Variants in PABPC1L observed in about 807,000 individuals in gnomAD.
PABPC1L encodes poly(A) binding protein cytoplasmic 1 like.
A neutral mutation model predicts 66.6 loss-of-function variants in PABPC1L; 31 were observed. The observed-to-expected ratio is 0.47, with a 90% CI of 0.35 to 0.63. PABPC1L has a LOEUF of 0.63. PABPC1L is among the 20% of genes least tolerant of loss of function. The probability of loss-of-function intolerance (pLI) is 0.00; values close to 1 mark genes in which losing one functional copy is unlikely to be tolerated. For synonymous variants in PABPC1L, 348 were observed against 335.1 expected, an observed-to-expected ratio of 1.04 and a Z score of -0.42; for missense variants, 722 against 848.8, an observed-to-expected ratio of 0.85 and a Z score of 1.86.
chr20:44,924,307 C>A, intron 7 of PABPC1L, 51 bp downstream of exon 7: 1 of 1,396,098 alleles, frequency 7.2e-7, no homozygotes, highest in Non-Finnish European at 1.0e-6. Context: ...CATCCTCTCA[C>A]CACCATCCCC....
In PABPC1L at chr20:44,910,300, G is replaced by A; in HGVS notation, c.157G>A (p.Gly53Ser). The change falls in exon 1 of 15, where the codon GGC becomes AGC. Residue 53 changes from glycine (G) to serine (S), a missense_variant. By Grantham distance (56) the Gly-to-Ser change is moderately conservative (BLOSUM62 0). Coordinates refer to ENST00000217073, the MANE Select transcript of PABPC1L (RefSeq NM_001372179.1). Reference sequence around the variant, plus strand: ...CGATGTAGCCACCCGGCGCTCGCTGGGCTACGCCTACATCAACTTCCAGCA... The same window carrying A: ...CGATGTAGCCACCCGGCGCTCGCTGAGCTACGCCTACATCAACTTCCAGCA... ...CRDVATRRSL[G>S]YAYINFQQPA... 6.5e-7 allele frequency: 1 copy of A among 1,541,110 alleles called. No individual in the cohort carries two copies. Among genetic ancestry groups the A allele is most frequent in the Non-Finnish European group, 8.8e-7 (1 of 1,140,730 alleles).
intron 3 of PABPC1L, 42 bp downstream of exon 3, chr20:44,916,913 C>G: frequency 6.4e-7 from 1 of 1,572,804 alleles, no homozygotes; most frequent in Non-Finnish European, 8.7e-7. Flanking sequence ...GCTGCAGGGA[C>G]AGAAGCATGG....
rs1233895549 is a variant in PABPC1L at position 44,936,531 on chromosome 20, C to T, written c.1567-106C>T. 5 of 905,248 alleles carry T rather than the reference C, an allele frequency of 5.5e-6. No individual in the cohort carries two copies. The East Asian group carries it at 8.1e-5, about 15-fold the overall frequency. The allele number at this position is 905,248 out of a possible 1,614,324, so 56.1% of individuals were successfully genotyped here. On this transcript the variant is annotated intron_variant, in intron 11 of 14. Transcript: ENST00000217073. Reference sequence around the variant, plus strand: ...GATCATCCAGACCTTGCCCTCTGTTCCCCTCCTCCAGTGCCTCCCTGGCCT... The same window carrying T: ...GATCATCCAGACCTTGCCCTCTGTTTCCCTCCTCCAGTGCCTCCCTGGCCT...
intron 12 of PABPC1L, chr20:44,937,757 C>A: frequency 3.2e-6 from 1 of 317,402 alleles, no homozygotes; most frequent in South Asian, 4.2e-5. Flanking sequence ...AAGTAGAAGT[C>A]TTTGTTAGTA....
At position 44,916,780 on chromosome 20, in the gene PABPC1L, CG is replaced by C; in HGVS notation, c.416del (p.Gly139ValfsTer20). 6.2e-7 allele frequency: 1 copy of C among 1,614,194 alleles called. No individual in the cohort carries two copies. The highest frequency in any genetic ancestry group is 8.5e-7 in the Non-Finnish European group (1 of 1,180,036). On this transcript the variant is annotated frameshift_variant, in exon 3 of 15. Transcript: ENST00000217073. LOFTEE classifies it high-confidence loss of function. ...GGTGGCGTGTGACGAGCATGGCTCC[CG>C]GGGTTTCGGCTTTGTCCATTTTGAG... The part of the protein sequence containing the change: ...CKVACDEHGS[R>X]GFGFVHFETH...
chr20:44,931,164 C>T (rs1307662258), intron 8 of PABPC1L, among the ~76,000 whole-genome samples: 1 of 143,440 alleles, frequency 7.0e-6, no homozygotes, highest in Non-Finnish European at 1.5e-5. Context: ...TGGCTCCTTC[C>T]TTCTTCCCTC....
chr20:44,933,587 A>C (rs1028375980), intron 10 of PABPC1L, among the ~76,000 whole-genome samples: 3 of 151,444 alleles, frequency 2.0e-5, no homozygotes, highest in African/African-American at 7.3e-5. Context: ...CTGGGATTGT[A>C]GGCATGCGCC....
At chr20:44,911,485 C>T (rs936582884) in intron 1 of PABPC1L, among the ~76,000 whole-genome samples, 1 of 152,016 alleles carries the variant, frequency 6.6e-6, no homozygotes, top group Non-Finnish European at 1.5e-5. Flanking sequence ...AAACAACAAA[C>T]AAAAAAGAAA....
At chr20:44,932,015 A>G (rs2066863829) in intron 8 of PABPC1L, 2 of 187,520 alleles carry the variant, frequency 1.1e-5, no homozygotes, top group Non-Finnish European at 1.1e-5. Flanking sequence ...TCACCCATTA[A>G]AGGCCACCAC....
At chr20:44,912,924 C>A in intron 2 of PABPC1L, 71 bp downstream of exon 2, 1 of 1,387,830 alleles carries the variant, frequency 7.2e-7, no homozygotes, top group Admixed American at 1.9e-5. Context: ...GGGTGACAAG[C>A]AACACCTCAC....
At chr20:44,931,529 C>T (rs2145577588) in intron 8 of PABPC1L, 1 of 152,120 alleles carries the variant, frequency 6.6e-6, no homozygotes, top group East Asian at 1.9e-4. Flanking sequence ...GAGTCTTGCT[C>T]TGTTGCCCAG....
In PABPC1L at chr20:44,916,764, T is replaced by A. The variant is rs2066740401; in HGVS notation, c.396T>A (p.Cys132Ter). ...FGNILSCKVACDEHGSRGFGF... is the reference protein window; with the variant it reads ...FGNILSCKVA ...TCCTCCCTGTGGCCCAGGTGGCGTGTGACGAGCATGGCTCCCGGGGTTTCG... is the reference window on the plus strand; with the variant it reads ...TCCTCCCTGTGGCCCAGGTGGCGTGAGACGAGCATGGCTCCCGGGGTTTCG... The change falls in exon 3 of 15, where the codon TGT becomes TGA. Residue 132 changes from cysteine (C) to a stop codon, truncating the protein, a stop_gained. Coordinates refer to ENST00000217073, the MANE Select transcript of PABPC1L (RefSeq NM_001372179.1). LOFTEE classifies it high-confidence loss of function. 1 of 1,614,096 alleles carries A rather than the reference T, an allele frequency of 6.2e-7. No homozygotes were observed. The highest frequency in any genetic ancestry group is 8.5e-7 in the Non-Finnish European group (1 of 1,180,056).
chr20:44,935,598 C>T (rs1328868190), intron 11 of PABPC1L, 101 bp downstream of exon 11: 1 of 930,096 alleles, frequency 1.1e-6, no homozygotes, highest in Non-Finnish European at 1.6e-6. Context: ...CTTTTCTTGG[C>T]TTGTAAAGTT....
chr20:44,935,072 A>C (rs2066890825), intron 10 of PABPC1L, among the ~76,000 whole-genome samples: 1 of 148,510 alleles, frequency 6.7e-6, no homozygotes, highest in East Asian at 2.0e-4. Context: ...TGTCTCAGGA[A>C]AAAAAAAAAA....
chr20:44,932,453 C>T (rs756991378), intron 9 of PABPC1L, 21 bp downstream of exon 9: 5 of 1,592,744 alleles, frequency 3.1e-6, no homozygotes, highest in Admixed American at 1.7e-5. Context: ...CAGCCCCTTC[C>T]ACTCTCAGAC....
intron 14 of PABPC1L, among the ~76,000 whole-genome samples, 175 bp downstream of exon 14, chr20:44,938,923 G>A (rs571506615): frequency 2.6e-5 from 4 of 152,226 alleles, no homozygotes; most frequent in Non-Finnish European, 5.9e-5. Flanking sequence ...TGATCGGAAT[G>A]GGGGGTGGTG....
chr20:44,917,314 C>G (rs905773066), intron 3 of PABPC1L, among the ~76,000 whole-genome samples: 3 of 151,460 alleles, frequency 2.0e-5, no homozygotes, highest in African/African-American at 7.3e-5. Flanking sequence ...TCCTTTGTAG[C>G]TGGGACCACA....
chr20:44,925,613 A>T (rs2066804324), intron 7 of PABPC1L, among the ~76,000 whole-genome samples: 3 of 152,184 alleles, frequency 2.0e-5, no homozygotes, highest in African/African-American at 7.2e-5. Flanking sequence ...GTTCTGAGGA[A>T]GTGGTCTAGA....
At chr20:44,919,330 A>T (rs1370378297) in intron 5 of PABPC1L, 53 bp downstream of exon 5, 2 of 1,574,566 alleles carry the variant, frequency 1.3e-6, no homozygotes, top group East Asian at 4.5e-5. Flanking sequence ...AGCTGGGACT[A>T]AGAAGAGGGT....
Sources: gnomAD v4.1 joint callset for allele counts (sites outside exome capture counted in the v4.1 genomes callset) on GRCh38, gnomAD v4.1.1 for gene constraint, MANE v1.5 for transcripts, NCBI Gene and HGNC (gene_info 2026-07-23, HGNC 2026-07-21) for gene names.